PTPRC: variants seen among roughly 807,000 people sequenced by gnomAD.
PTPRC encodes the protein receptor-type tyrosine-protein phosphatase C.
A neutral mutation model predicts 155.9 loss-of-function variants in PTPRC; 44 were observed. That is an observed-to-expected ratio of 0.28 (90% CI 0.22 to 0.36). The LOEUF is 0.36. PTPRC is among the 10% of genes least tolerant of loss of function. The probability of loss-of-function intolerance (pLI) is 1.00; values close to 1 mark genes in which losing one functional copy is unlikely to be tolerated. For synonymous variants in PTPRC, 525 were observed against 533.1 expected (o/e 0.98, Z 0.21); for missense variants, 1,401 against 1,564.6 (o/e 0.90, Z 1.76).
At chr1:198,737,382 AG>A (rs1428967298) in intron 23 of PTPRC, among the ~76,000 whole-genome samples, 2 of 151,692 alleles carry the variant, frequency 1.3e-5, no homozygotes, top group Non-Finnish European at 3.0e-5. Flanking sequence ...AGCAAGAGAT[AG>A]GGCTTTAGTT....
intron 2 of PTPRC, among the ~76,000 whole-genome samples, chr1:198,649,819 T>G (rs949933158): frequency 5.3e-5 from 8 of 151,840 alleles, no homozygotes; most frequent in African/African-American, 1.9e-4. Flanking sequence ...GAAACTGACT[T>G]CCTAGTGGTG....
intron 8 of PTPRC, 142 bp downstream of exon 8, chr1:198,704,640 A>C: frequency 4.7e-6 from 7 of 1,488,290 alleles, no homozygotes; most frequent in Non-Finnish European, 6.4e-6. Context: ...GTCTCAAATT[A>C]GTAAAAAATT....
intron 30 of PTPRC, 90 bp downstream of exon 30, chr1:198,752,461 C>T (rs1045703361): frequency 7.1e-6 from 11 of 1,545,574 alleles, no homozygotes; most frequent in Non-Finnish European, 9.8e-6. Flanking sequence ...GCAAGGCCAT[C>T]ATATAAATAA....
In PTPRC at chr1:198,704,391, T is replaced by TA. The variant is rs1286318362; in HGVS notation, c.659-78dup. The TA allele has an allele frequency of 3.1e-6, 5 of 1,600,868 alleles. No homozygotes were observed. The African/African-American group carries it at 4.0e-5, about 13-fold the overall frequency. On this transcript the variant is annotated intron_variant, in intron 7 of 32. Coordinates refer to ENST00000442510, the MANE Select transcript of PTPRC (RefSeq NM_002838.5). ...TAGACTTTATGAAGTAGAAGTATTG[T>TA]AAATCAGCTTTCCCAAAAATGACAT...
chr1:198,743,987 A>G (rs931670569), intron 25 of PTPRC, 67 bp from the exon 26 acceptor site: 160 of 1,458,996 alleles, frequency 1.1e-4, no homozygotes, highest in Non-Finnish European at 1.5e-4. Context: ...TGTATATTTT[A>G]TTTAAATATG....
At chr1:198,716,023 G>T (rs1422240498) in intron 12 of PTPRC, among the ~76,000 whole-genome samples, 1 of 152,094 alleles carries the variant, frequency 6.6e-6, no homozygotes, top group African/African-American at 2.4e-5. Flanking sequence ...CAGAGCTGTT[G>T]TCCTGATCAG....
At chr1:198,688,362 A>G (rs899663997) in intron 2 of PTPRC, among the ~76,000 whole-genome samples, 2 of 152,154 alleles carry the variant, frequency 1.3e-5, no homozygotes, top group African/African-American at 2.4e-5. Context: ...ATTAAAGATG[A>G]AAAGATTCGA....
At chr1:198,696,261 C>T (rs1666200051) in intron 3 of PTPRC, among the ~76,000 whole-genome samples, 1 of 150,948 alleles carries the variant, frequency 6.6e-6, no homozygotes, top group South Asian at 2.1e-4. Context: ...CCCTGGAACC[C>T]TAGCCCTGCT....
At chr1:198,647,341 C>A (rs1241101993) in intron 2 of PTPRC, among the ~76,000 whole-genome samples, 1 of 151,878 alleles carries the variant, frequency 6.6e-6, no homozygotes, top group Non-Finnish European at 1.5e-5. Context: ...CCAGTGCCTG[C>A]AGGTCCTCAG....
chr1:198,731,020 A>G (rs1558027728), intron 17 of PTPRC, among the ~76,000 whole-genome samples: 1 of 152,066 alleles, frequency 6.6e-6, no homozygotes. Flanking sequence ...TCCATATGCA[A>G]TTGTAGCTTT....
chr1:198,732,583 TACCTACA>T, intron 20 of PTPRC, 27 bp downstream of exon 20: 4 of 1,505,646 alleles, frequency 2.7e-6, no homozygotes, highest in Non-Finnish European at 3.7e-6. Flanking sequence ...ATTTTTCTTA[TACCTACA>T]TATTTCATTC....
rs34796231 is a variant in PTPRC at position 198,660,030 on chromosome 1, C to CATATATATAT, written c.73+20718_73+20727dup. Among the ~76,000 whole-genome samples, 88 of 115,880 alleles carry CATATATATAT rather than the reference C, an allele frequency of 7.6e-4. 1 individual carries two copies. The highest frequency in any genetic ancestry group is 1.3e-3 in the South Asian group (5 of 3,734). 76.0% of individuals were successfully genotyped at this position (115,880 alleles called of 152,430 possible). A position where few individuals can be genotyped will look rare whatever the true frequency, so the allele number is the denominator to read the frequency against. ...AGATATATTTGTCCATATATATGTC[C>CATATATATAT]ATATATATATATATATATATATATA... On this transcript the variant is annotated intron_variant, in intron 2 of 32. Coordinates refer to ENST00000442510, the MANE Select transcript of PTPRC (RefSeq NM_002838.5).
At chr1:198,708,335 C>T (rs1170910584) in intron 10 of PTPRC, 74 bp downstream of exon 10, 102 of 1,431,828 alleles carry the variant, frequency 7.1e-5, no homozygotes, top group Non-Finnish European at 9.5e-5. Context: ...TAATCTTACT[C>T]TCTGCCCTTT....
chr1:198,653,646 G>A (rs539249449), intron 2 of PTPRC, among the ~76,000 whole-genome samples: 43 of 151,818 alleles, frequency 2.8e-4, no homozygotes, highest in Admixed American at 4.6e-4. Flanking sequence ...TGGAATCTTC[G>A]CTCCAGTTTA....
At chr1:198,729,333 C>T (rs1654285652) in intron 17 of PTPRC, among the ~76,000 whole-genome samples, 162 bp downstream of exon 17, 1 of 152,030 alleles carries the variant, frequency 6.6e-6, no homozygotes, top group Admixed American at 6.6e-5. Context: ...CCTCCGCCTC[C>T]CTGTTGAAGC....
At chr1:198,700,084 C>A in intron 5 of PTPRC, 1 of 282,406 alleles carries the variant, frequency 3.5e-6, no homozygotes, top group Non-Finnish European at 6.9e-6. Flanking sequence ...AGAGTGATTC[C>A]TATTATCAGT....
chr1:198,642,357 A>T (rs201848528), intron 2 of PTPRC, among the ~76,000 whole-genome samples: 16 of 103,154 alleles, frequency 1.6e-4, no homozygotes, highest in Middle Eastern at 6.6e-3. Flanking sequence ...TATACTAGTC[A>T]ATCTATCTAT....
intron 27 of PTPRC, among the ~76,000 whole-genome samples, chr1:198,748,995 A>T (rs1655258209): frequency 6.6e-6 from 1 of 151,676 alleles, no homozygotes; most frequent in South Asian, 2.1e-4. Context: ...TCTGGGCTAA[A>T]TAATTAATCA....
At chr1:198,715,073 A>G (rs1419587027) in intron 12 of PTPRC, among the ~76,000 whole-genome samples, 2 of 152,114 alleles carry the variant, frequency 1.3e-5, no homozygotes, top group African/African-American at 4.8e-5. Context: ...AGAAAATGTG[A>G]TAGATGTTCA....
Sources: allele counts gnomAD v4.1 joint callset (sites outside exome capture counted in the v4.1 genomes callset), GRCh38; gene constraint gnomAD v4.1.1; transcripts MANE v1.5; gene names NCBI Gene and HGNC (gene_info 2026-07-23, HGNC 2026-07-21).